The following ATP2B4 variants were observed in gnomAD, a reference collection of about 807,000 sequenced individuals.
ATP2B4 encodes the protein plasma membrane calcium-transporting ATPase 4.
In ATP2B4, 39 loss-of-function variants were observed where a neutral mutation model predicts 110.3. The observed-to-expected ratio is 0.35, with a 90% CI of 0.27 to 0.46. ATP2B4 has a LOEUF of 0.46. Among genes scored for constraint, ATP2B4 ranks in the 20% least tolerant of loss-of-function variants. ATP2B4 has a pLI of 1.00. For missense variants in ATP2B4, 1,135 were observed against 1,530.9 expected (o/e 0.74, Z 4.32); for synonymous variants, 538 against 571.7 (o/e 0.94, Z 0.84).
Position 203,628,272 on chromosome 1 carries a change from G to A in ATP2B4, c.-465+1053G>A, listed in dbSNP as rs973094933. ...GGGGGCTGCTGGCATCCTTCCCCGAGTCGAGTCTGGCCTCTTACACTCCTC... is the reference window on the plus strand; with the variant it reads ...GGGGGCTGCTGGCATCCTTCCCCGAATCGAGTCTGGCCTCTTACACTCCTC... On this transcript the variant is annotated intron_variant, in intron 1 of 20. Transcript: ENST00000357681. Among the ~76,000 whole-genome samples the A allele has an allele frequency of 9.9e-5, 15 of 152,184 alleles. 1 individual carries two copies. In the Middle Eastern group the frequency reaches 0.01, roughly 104 times the overall value.
At chr1:203,703,271 T>C (rs755835711) in intron 7 of ATP2B4, among the ~76,000 whole-genome samples, 1 of 152,016 alleles carries the variant, frequency 6.6e-6, no homozygotes, top group African/African-American at 2.4e-5. Context: ...CTTTCTGCAG[T>C]AAAGATTCAC....
At chr1:203,652,593 C>T (rs531963784) in intron 1 of ATP2B4, among the ~76,000 whole-genome samples, 29 of 152,214 alleles carry the variant, frequency 1.9e-4, no homozygotes, top group South Asian at 8.3e-4. Flanking sequence ...AGTCTGTTGA[C>T]GCCATTTTTC....
chr1:203,720,020 T>A (rs1316640786), intron 15 of ATP2B4, among the ~76,000 whole-genome samples: 2 of 152,114 alleles, frequency 1.3e-5, no homozygotes, highest in Admixed American at 6.6e-5. Context: ...TGCATTTAGC[T>A]GAGATCCTGC....
chr1:203,699,386 G>A (rs1665624570), intron 3 of ATP2B4, 74 bp from the exon 4 acceptor site: 1 of 1,570,880 alleles, frequency 6.4e-7, no homozygotes, highest in South Asian at 1.2e-5. Flanking sequence ...TGGGGTGATT[G>A]TGGAAGCACT....
At chr1:203,647,690 T>C (rs1404384959) in intron 1 of ATP2B4, among the ~76,000 whole-genome samples, 1 of 151,786 alleles carries the variant, frequency 6.6e-6, no homozygotes, top group East Asian at 1.9e-4. Context: ...GTCCAGGAGG[T>C]TGAGGCTGCA....
chr1:203,733,045 CCTT>C (rs576650576), intron 20 of ATP2B4, among the ~76,000 whole-genome samples: 279 of 152,266 alleles, frequency 1.8e-3, no homozygotes, highest in Non-Finnish European at 2.7e-3. Flanking sequence ...ACGTTTTTCT[CCTT>C]CTCCTCACCA....
At chr1:203,627,640 C>G (rs1663128306) in intron 1 of ATP2B4, among the ~76,000 whole-genome samples, 1 of 147,990 alleles carries the variant, frequency 6.8e-6, no homozygotes, top group African/African-American at 2.5e-5. Context: ...TTTTCCGTGT[C>G]TGTTCCCTTT....
At chr1:203,649,721 A>C (rs780927749) in intron 1 of ATP2B4, among the ~76,000 whole-genome samples, 24 of 152,134 alleles carry the variant, frequency 1.6e-4, no homozygotes, top group Non-Finnish European at 3.1e-4. Context: ...TGAGCCCAGG[A>C]AGGTTGAGGC....
At chr1:203,640,111 T>TC (rs1464452436) in intron 1 of ATP2B4, among the ~76,000 whole-genome samples, 5 of 152,122 alleles carry the variant, frequency 3.3e-5, no homozygotes, top group Non-Finnish European at 5.9e-5. Flanking sequence ...GGTAAAAGCA[T>TC]CCCATAAACA....
intron 13 of ATP2B4, among the ~76,000 whole-genome samples, chr1:203,712,498 G>A (rs1248374112): frequency 6.6e-6 from 1 of 151,954 alleles, no homozygotes; most frequent in Non-Finnish European, 1.5e-5. Context: ...GGCTGAGGCA[G>A]GAGAATCACT....
At chr1:203,706,889 C>A (rs1416678774) in intron 8 of ATP2B4, 120 bp from the exon 9 acceptor site, 1 of 784,160 alleles carries the variant, frequency 1.3e-6, no homozygotes, top group African/African-American at 1.7e-5. Context: ...AGTAAGTCTT[C>A]CTGGCGATGG....
chr1:203,671,581 C>T (rs772591678), intron 1 of ATP2B4, among the ~76,000 whole-genome samples: 3 of 152,142 alleles, frequency 2.0e-5, no homozygotes, highest in Non-Finnish European at 4.4e-5. Context: ...GCAGACTGAC[C>T]TCTGATCACT....
At chr1:203,635,657 A>C (rs1663416012) in intron 1 of ATP2B4, among the ~76,000 whole-genome samples, 1 of 152,208 alleles carries the variant, frequency 6.6e-6, no homozygotes, top group Admixed American at 6.5e-5. Flanking sequence ...TCTCAAAAAA[A>C]AAAGGTGAAA....
intron 1 of ATP2B4, among the ~76,000 whole-genome samples, chr1:203,637,302 G>A (rs1057310354): frequency 9.2e-5 from 14 of 152,048 alleles, no homozygotes; most frequent in African/African-American, 9.7e-5. Flanking sequence ...GAGGTGGCAG[G>A]CGCCTGTAGT....
At chr1:203,676,750 A>C (rs1267082049) in intron 1 of ATP2B4, among the ~76,000 whole-genome samples, 1 of 143,684 alleles carries the variant, frequency 7.0e-6, no homozygotes, top group African/African-American at 2.5e-5. Context: ...CTCTCCAGGC[A>C]GGAATTGGAT....
At chr1:203,652,510 T>C (rs1181357212) in intron 1 of ATP2B4, among the ~76,000 whole-genome samples, 3 of 152,238 alleles carry the variant, frequency 2.0e-5, no homozygotes, top group African/African-American at 7.2e-5. Context: ...CCTTATTTTA[T>C]TGTACTTCAG....
intron 20 of ATP2B4, among the ~76,000 whole-genome samples, chr1:203,739,084 G>A (rs1275655079): frequency 6.6e-6 from 1 of 152,170 alleles, no homozygotes; most frequent in East Asian, 1.9e-4. Context: ...AAACCTCAAT[G>A]CATAATTTTT....
At chr1:203,683,497 A>C in intron 2 of ATP2B4, 99 bp downstream of exon 2, 1 of 1,283,990 alleles carries the variant, frequency 7.8e-7, no homozygotes, top group Non-Finnish European at 1.1e-6. Flanking sequence ...CTGGAGGCCC[A>C]GCTGGTATAT....
intron 1 of ATP2B4, chr1:203,657,502 G>A (rs1225895143): frequency 3.8e-6 from 3 of 787,392 alleles, no homozygotes; most frequent in Admixed American, 1.8e-5. Context: ...GCTCCCTGTG[G>A]AGTCTTTTCA....
Sources: allele counts gnomAD v4.1 joint callset (sites outside exome capture counted in the v4.1 genomes callset), GRCh38; gene constraint gnomAD v4.1.1; transcripts MANE v1.5; gene names NCBI Gene and HGNC (gene_info 2026-07-23, HGNC 2026-07-21).